Variants in AP2M1 observed in about 807,000 individuals in gnomAD.
AP2M1 encodes the protein adaptor related protein complex 2 subunit mu 1.
In AP2M1, 5 loss-of-function variants were observed where a neutral mutation model predicts 54.5. The ratio of observed to expected loss-of-function variants is 0.09; its 90% CI spans 0.05 to 0.19. The LOEUF is 0.19. Among genes scored for constraint, AP2M1 ranks in the 10% least tolerant of loss-of-function variants. The pLI, the probability that AP2M1 is intolerant of heterozygous loss-of-function variation, is 1.00. For synonymous variants in AP2M1, 186 were observed against 208.2 expected, an observed-to-expected ratio of 0.89 and a Z score of 0.92; for missense variants, 178 against 580.2, an observed-to-expected ratio of 0.31 and a Z score of 7.12.
chr3:184,174,856 C>G lies in AP2M1; in HGVS notation c.-147C>G, dbSNP rs923878258. On this transcript the variant is annotated 5_prime_UTR_variant, in exon 1 of 12. Coordinates refer to ENST00000292807, the MANE Select transcript of AP2M1 (RefSeq NM_004068.4). ...CCGGGGCCGGGGCGGGGCGGCGGCA[C>G]TGCGGTGAAAGCCGAGGCAGCGGGC... 4 of 397,676 alleles carry G rather than the reference C, an allele frequency of 1.0e-5. No individual in the cohort carries two copies. The highest frequency in any genetic ancestry group is 1.8e-5 in the Non-Finnish European group (4 of 225,446). The allele number at this position is 397,676 out of a possible 1,614,324, so 24.6% of individuals were successfully genotyped here.
In AP2M1 at chr3:184,178,164, T is replaced by C; in HGVS notation, c.75-693T>C. Reference sequence around the variant, plus strand: ...TAACCCTCTCTCTCGTTGCTATCACTCTCCTCTTCTTGCTGGCGTCATTTC... The same window carrying C: ...TAACCCTCTCTCTCGTTGCTATCACCCTCCTCTTCTTGCTGGCGTCATTTC... On this transcript the variant is annotated intron_variant, in intron 2 of 11. Coordinates refer to ENST00000292807, the MANE Select transcript of AP2M1 (RefSeq NM_004068.4). This position sits in a 1 kb window ranked among gnomAD's most constrained non-coding sequence, Gnocchi z 4.9. The C allele has an allele frequency of 6.6e-7, 1 of 1,524,136 alleles. No homozygotes were observed. The highest frequency in any genetic ancestry group is 1.2e-5 in the South Asian group (1 of 83,836). 94.4% of individuals were successfully genotyped at this position (1,524,136 alleles called of 1,614,324 possible). A position where few individuals can be genotyped will look rare whatever the true frequency, so the allele number is the denominator to read the frequency against.
At chr3:184,175,851 G>A (rs888344380) in intron 1 of AP2M1, among the ~76,000 whole-genome samples, 1 of 152,110 alleles carries the variant, frequency 6.6e-6, no homozygotes, top group Admixed American at 6.5e-5. Context: ...GGGACTGAGG[G>A]ATGGGATGAG....
At position 184,183,456 on chromosome 3, in the gene AP2M1, A is replaced by T. The variant is rs372715427; in HGVS notation, c.1174-26A>T. 2 of 1,613,468 alleles carry T rather than the reference A, an allele frequency of 1.2e-6. No individual in the cohort carries two copies. The highest frequency in any genetic ancestry group is 1.7e-6 in the Non-Finnish European group (2 of 1,179,832). On this transcript the variant is annotated intron_variant, in intron 11 of 11. Transcript: ENST00000292807. This position sits in a 1 kb window ranked among gnomAD's most constrained non-coding sequence, Gnocchi z 5.7. Reference sequence around the variant, plus strand: ...AGAGCGGCTGTAAGAGGAAGGCCACATTTCTAACTAGCTCTCCTTGCCCAG... The same window carrying T: ...AGAGCGGCTGTAAGAGGAAGGCCACTTTTCTAACTAGCTCTCCTTGCCCAG...
chr3:184,179,198 G>A, intron 3 of AP2M1, 76 bp downstream of exon 3: 3 of 1,546,438 alleles, frequency 1.9e-6, no homozygotes, highest in Non-Finnish European at 2.6e-6. Context: ...GAAGGTGGGT[G>A]TAGGTCCGAG....
At position 184,182,587 on chromosome 3, in the gene AP2M1, AAAG is replaced by A. The variant is rs1277383331; in HGVS notation, c.1062-166_1062-164del. 6.6e-6 allele frequency among the ~76,000 whole-genome samples: 1 copy of A among 152,118 alleles called. No homozygotes were observed. Among genetic ancestry groups the A allele is most frequent in the Non-Finnish European group, 1.5e-5 (1 of 68,024 alleles). ...GGCAGAAACTGCATCCTGTTGTTCT[AAAG>A]AAGTAGACCCAAGTTTCCATAGCAA... On this transcript the variant is annotated intron_variant, in intron 10 of 11. Transcript: ENST00000292807. This position sits in a 1 kb window ranked among gnomAD's most constrained non-coding sequence, Gnocchi z 5.5.
chr3:184,174,868 C>T lies in AP2M1; in HGVS notation c.-135C>T. 2.5e-6 allele frequency: 1 copy of T among 398,088 alleles called. No individual in the cohort carries two copies. The highest frequency in any genetic ancestry group is 3.6e-5 in the East Asian group (1 of 28,056). The allele number at this position is 398,088 out of a possible 1,614,324, so 24.7% of individuals were successfully genotyped here. On this transcript the variant is annotated 5_prime_UTR_variant, in exon 1 of 12. Coordinates refer to ENST00000292807, the MANE Select transcript of AP2M1 (RefSeq NM_004068.4). ...CGGGGCGGCGGCACTGCGGTGAAAG[C>T]CGAGGCAGCGGGCAGACGAGCAGGG...
Position 184,183,794 on chromosome 3 carries a change from C to T in AP2M1, c.*178C>T. 4.5e-6 allele frequency: 3 copies of T among 667,218 alleles called. No homozygotes were observed. The highest frequency in any genetic ancestry group is 7.4e-6 in the Non-Finnish European group (3 of 404,682). The allele number at this position is 667,218 out of a possible 1,614,324, so 41.3% of individuals were successfully genotyped here. ...ACAAGTGGGACCGGTGGAGCAGCCCCTGGGCTCCCTGGGCAGGGGAGTTCT... is the reference window on the plus strand; with the variant it reads ...ACAAGTGGGACCGGTGGAGCAGCCCTTGGGCTCCCTGGGCAGGGGAGTTCT... On this transcript the variant is annotated 3_prime_UTR_variant, in exon 12 of 12. Coordinates refer to ENST00000292807, the MANE Select transcript of AP2M1 (RefSeq NM_004068.4). This position sits in a 1 kb window ranked among gnomAD's most constrained non-coding sequence, Gnocchi z 5.7.
rs1030745753 is a variant in AP2M1 at position 184,183,702 on chromosome 3, C to G, written c.*86C>G. On this transcript the variant is annotated 3_prime_UTR_variant, in exon 12 of 12. Transcript: ENST00000292807. This position sits in a 1 kb window ranked among gnomAD's most constrained non-coding sequence, Gnocchi z 5.7. ...TCCCTCCCCCACCACACATCAGTGT[C>G]TCCTCCCTCCTGCTTTGCTGCCTTC... 21 of 1,442,154 alleles carry G rather than the reference C, an allele frequency of 1.5e-5. No homozygotes were observed. In the East Asian group the frequency reaches 4.7e-4, roughly 33 times the overall value. 89.3% of individuals were successfully genotyped at this position (1,442,154 alleles called of 1,614,324 possible).
chr3:184,175,377 T>G (rs59297487), intron 1 of AP2M1, among the ~76,000 whole-genome samples: 30 of 152,146 alleles, frequency 2.0e-4, no homozygotes, highest in African/African-American at 7.2e-4. Context: ...CCCCTCCTCT[T>G]AGTTCAGTGG....
chr3:184,183,716 T>C lies in AP2M1; in HGVS notation c.*100T>C. On this transcript the variant is annotated 3_prime_UTR_variant, in exon 12 of 12. Transcript: ENST00000292807. This position sits in a 1 kb window ranked among gnomAD's most constrained non-coding sequence, Gnocchi z 5.7. ...CACATCAGTGTCTCCTCCCTCCTGC[T>C]TTGCTGCCTTCCCTTTGCACCAGCC... The C allele has an allele frequency of 6.5e-6, 9 of 1,375,898 alleles. No homozygotes were observed. The highest frequency in any genetic ancestry group is 8.0e-6 in the Non-Finnish European group (8 of 1,000,408). 85.2% of individuals were successfully genotyped at this position (1,375,898 alleles called of 1,614,324 possible).
In AP2M1 at chr3:184,183,004, C is replaced by T. The variant is rs1007823094; in HGVS notation, c.1173+136C>T. 2.6e-6 allele frequency: 2 copies of T among 758,004 alleles called. No homozygotes were observed. Among genetic ancestry groups the T allele is most frequent in the African/African-American group, 3.5e-5 (2 of 57,860 alleles). The allele number at this position is 758,004 out of a possible 1,614,324, so 47.0% of individuals were successfully genotyped here. Reference sequence around the variant, plus strand: ...GAAGAACTGGCTTTAATTCATAGATCCATTCTTCCCCTTTCAAGCCTCTTA... The same window carrying T: ...GAAGAACTGGCTTTAATTCATAGATTCATTCTTCCCCTTTCAAGCCTCTTA... On this transcript the variant is annotated intron_variant, in intron 11 of 11. Coordinates refer to ENST00000292807, the MANE Select transcript of AP2M1 (RefSeq NM_004068.4). The surrounding 1 kb of genome is among the most constrained non-coding windows in gnomAD (Gnocchi z 5.7).
At chr3:184,179,269 T>A (rs1715191214) in intron 3 of AP2M1, 147 bp downstream of exon 3, 3 of 1,039,322 alleles carry the variant, frequency 2.9e-6, no homozygotes, top group Non-Finnish European at 4.1e-6. Context: ...AGGATCTCTA[T>A]GCCCCTCAGA....
At position 184,181,825 on chromosome 3, in the gene AP2M1, G is replaced by C; in HGVS notation, c.827+10G>C. ...AGTTTGAGCTTATGAGGTGCCATTG[G>C]GGTGTGAGGAGGCAGCTAGTGCTGC... is the stretch of plus-strand genomic sequence containing the variant. On this transcript the variant is annotated intron_variant, in intron 8 of 11. Coordinates refer to ENST00000292807, the MANE Select transcript of AP2M1 (RefSeq NM_004068.4). This position sits in a 1 kb window ranked among gnomAD's most constrained non-coding sequence, Gnocchi z 5.7. The C allele has an allele frequency of 1.2e-6, 2 of 1,614,182 alleles. No homozygotes were observed. Among genetic ancestry groups the C allele is most frequent in the Middle Eastern group, 1.6e-4 (1 of 6,062 alleles).
intron 3 of AP2M1, among the ~76,000 whole-genome samples, chr3:184,179,663 T>TTTC (rs1353938209): frequency 5.8e-5 from 2 of 34,450 alleles, no homozygotes; most frequent in Non-Finnish European, 1.3e-4. Context: ...ATTTCTTTTC[T>TTTC]TTTTTTTTTT....
In AP2M1 at chr3:184,178,791, G is replaced by C. The variant is rs1235825149; in HGVS notation, c.75-66G>C. ...GGAGGGTGGGGCTGTTAGCAGCTGT[G>C]GTTGATCCTTATGGGGTAAGGTTCA... On this transcript the variant is annotated intron_variant, in intron 2 of 11. Coordinates refer to ENST00000292807, the MANE Select transcript of AP2M1 (RefSeq NM_004068.4). The surrounding 1 kb of genome is among the most constrained non-coding windows in gnomAD (Gnocchi z 4.9). The C allele has an allele frequency of 6.4e-7, 1 of 1,572,792 alleles. No individual in the cohort carries two copies. The highest frequency in any genetic ancestry group is 2.3e-5 in the East Asian group (1 of 44,418).
chr3:184,175,433 C>T (rs1577056576), intron 1 of AP2M1, among the ~76,000 whole-genome samples: 1 of 152,120 alleles, frequency 6.6e-6, no homozygotes, highest in East Asian at 1.9e-4. Context: ...CCCCCGCACC[C>T]CCATGGCACC....
At position 184,178,205 on chromosome 3, in the gene AP2M1, T is replaced by C. The variant is rs756051813; in HGVS notation, c.75-652T>C. The C allele has an allele frequency of 9.8e-6, 15 of 1,535,930 alleles. No homozygotes were observed. In the Admixed American group the frequency reaches 1.4e-4, roughly 14 times the overall value. ...GCGTCATTTCTCTCATCCCATCTCA[T>C]TGGCTGCCGTAGCAATAGGTAAGCG... On this transcript the variant is annotated intron_variant, in intron 2 of 11. Transcript: ENST00000292807. The surrounding 1 kb of genome is among the most constrained non-coding windows in gnomAD (Gnocchi z 4.9).
chr3:184,182,687 T>C lies in AP2M1; in HGVS notation c.1062-70T>C, dbSNP rs1486797455. ...GCAAGCTCCTGGGCTCTCTCCTTGC[T>C]TGAAATGGGCAACTGCCCTTGAAAC... On this transcript the variant is annotated intron_variant, in intron 10 of 11. Coordinates refer to ENST00000292807, the MANE Select transcript of AP2M1 (RefSeq NM_004068.4). The surrounding 1 kb of genome is among the most constrained non-coding windows in gnomAD (Gnocchi z 5.5). The C allele has an allele frequency of 2.1e-6, 3 of 1,408,278 alleles. No individual in the cohort carries two copies. Among genetic ancestry groups the C allele is most frequent in the Non-Finnish European group, 3.0e-6 (3 of 1,003,686 alleles). 87.2% of individuals were successfully genotyped at this position (1,408,278 alleles called of 1,614,324 possible). A position where few individuals can be genotyped will look rare whatever the true frequency, so the allele number is the denominator to read the frequency against.
chr3:184,178,152 C>G lies in AP2M1; in HGVS notation c.75-705C>G. The G allele has an allele frequency of 6.7e-7, 1 of 1,500,420 alleles. No individual in the cohort carries two copies. The allele number at this position is 1,500,420 out of a possible 1,614,324, so 92.9% of individuals were successfully genotyped here. The stretch of plus-strand genomic sequence containing the variant: ...GTGTTGTGTGTCTAACCCTCTCTCT[C>G]GTTGCTATCACTCTCCTCTTCTTGC... On this transcript the variant is annotated intron_variant, in intron 2 of 11. Coordinates refer to ENST00000292807, the MANE Select transcript of AP2M1 (RefSeq NM_004068.4). The surrounding 1 kb of genome is among the most constrained non-coding windows in gnomAD (Gnocchi z 4.9).
Sources: allele counts gnomAD v4.1 joint callset (sites outside exome capture counted in the v4.1 genomes callset), GRCh38; gene constraint gnomAD v4.1.1; non-coding constraint Gnocchi (gnomAD v3.1); transcripts MANE v1.5; gene names NCBI Gene and HGNC (gene_info 2026-07-23, HGNC 2026-07-21).